The following KMT5C variants were observed in gnomAD, a reference collection of about 807,000 sequenced individuals.
The protein encoded by KMT5C is histone-lysine N-methyltransferase KMT5C.
A neutral mutation model predicts 38.2 loss-of-function variants in KMT5C; 16 were observed. The ratio of observed to expected loss-of-function variants is 0.42; its 90% CI spans 0.28 to 0.64. KMT5C has a LOEUF of 0.64. Ranked by LOEUF, KMT5C falls within the 30% of genes least tolerant of loss-of-function variation. The pLI, the probability that KMT5C is intolerant of heterozygous loss-of-function variation, is 0.23. For missense variants in KMT5C, 598 were observed against 665.1 expected, an observed-to-expected ratio of 0.90 and a Z score of 1.11; for synonymous variants, 291 against 279.0, an observed-to-expected ratio of 1.04 and a Z score of -0.43.
At chr19:55,344,844 C>T (rs766160283) in intron 6 of KMT5C, 10 of 484,848 alleles carry the variant, frequency 2.1e-5, no homozygotes, top group Non-Finnish European at 4.3e-5. Context: ...ATGGGGCACC[C>T]CGGGAGGCAT....
intron 1 of KMT5C, 190 bp from the exon 2 acceptor site, chr19:55,341,604 G>C (rs118001277): frequency 0.011 from 3,895 of 356,722 alleles, 41 homozygotes; most frequent in Non-Finnish European, 0.016. Flanking sequence ...GTCAGTCTGA[G>C]TGTGCATGGG....
intron 6 of KMT5C, chr19:55,344,217 T>C (rs1036087700): frequency 5.7e-5 from 25 of 440,448 alleles, no homozygotes; most frequent in African/African-American, 1.0e-4. Flanking sequence ...AAAAAATTAG[T>C]CGGGCGTGGT....
At chr19:55,346,051 C>A in intron 6 of KMT5C, 162 bp from the exon 7 acceptor site, 2 of 747,568 alleles carry the variant, frequency 2.7e-6, no homozygotes, top group Non-Finnish European at 4.3e-6. Flanking sequence ...AAAGGACAGG[C>A]CCTCGGCAAG....
chr19:55,342,296 G>C lies in KMT5C; in HGVS notation c.192G>C (p.Ala64=). 1.3e-6 allele frequency: 2 copies of C among 1,596,426 alleles called. No homozygotes were observed. Among genetic ancestry groups the C allele is most frequent in the Non-Finnish European group, 8.5e-7 (1 of 1,173,118 alleles). The change falls in exon 3 of 9, where the codon GCG becomes GCC. Residue 64 remains alanine, a synonymous_variant. Coordinates refer to ENST00000255613, the MANE Select transcript of KMT5C (RefSeq NM_032701.4). ...TGAGGCAGCGGGACCTGGAGGCTGC[G>C]TACCGGGCCCTGACGCTGGGAGGCT... ...TFLRQRDLEA[A]YRALTLGGWT...
chr19:55,341,686 G>T (rs922402963), intron 1 of KMT5C, 108 bp from the exon 2 acceptor site: 24 of 549,266 alleles, frequency 4.4e-5, no homozygotes, highest in Non-Finnish European at 7.5e-5. Context: ...GAGCTAAGGC[G>T]ATGGCTGACA....
rs531539379 is a variant in KMT5C at position 55,341,868 on chromosome 19, C to G, written c.-69C>G. 8.0e-7 allele frequency: 1 copy of G among 1,253,026 alleles called. No homozygotes were observed. The highest frequency in any genetic ancestry group is 1.7e-5 in the Admixed American group (1 of 57,514). The allele number at this position is 1,253,026 out of a possible 1,614,324, so 77.6% of individuals were successfully genotyped here. A position where few individuals can be genotyped will look rare whatever the true frequency, so the allele number is the denominator to read the frequency against. ...GGAGTGGAGTCAGCACCAAGCCAGG[C>G]TCCCCGCGCCTGCCTTGCCCTCACC... On this transcript the variant is annotated 5_prime_UTR_variant, in exon 2 of 9. Transcript: ENST00000255613.
At chr19:55,344,818 T>A (rs748903171) in intron 6 of KMT5C, 1 of 512,722 alleles carries the variant, frequency 2.0e-6, no homozygotes, top group South Asian at 1.5e-5. Flanking sequence ...GTGCACCCTC[T>A]GGAGCACAGA....
At chr19:55,344,086 A>G in intron 6 of KMT5C, 89 bp downstream of exon 6, 1 of 1,459,462 alleles carries the variant, frequency 6.9e-7, no homozygotes, top group Non-Finnish European at 9.4e-7. Context: ...GTAAAGAGCC[A>G]AACACCGGCC....
At chr19:55,340,849 T>C (rs1166278716) in intron 1 of KMT5C, among the ~76,000 whole-genome samples, 17 of 98,758 alleles carry the variant, frequency 1.7e-4, no homozygotes, top group Non-Finnish European at 3.1e-4. Flanking sequence ...CACAGCCCCC[T>C]GCCGTGCCCA....
At chr19:55,341,661 G>T (rs939927490) in intron 1 of KMT5C, 133 bp from the exon 2 acceptor site, 2 of 504,426 alleles carry the variant, frequency 4.0e-6, no homozygotes, top group Non-Finnish European at 7.2e-6. Context: ...TGTCTGCGCT[G>T]CGGAGCAAGA....
In KMT5C at chr19:55,343,602, T is replaced by C; in HGVS notation, c.387-78T>C. ...AGTCCCTCCTTCCTGGGTGCCTCTG[T>C]GCCGGAGGCCCGAGTCCCCTGAACA... is the stretch of plus-strand genomic sequence containing the variant. On this transcript the variant is annotated intron_variant, in intron 4 of 8. Coordinates refer to ENST00000255613, the MANE Select transcript of KMT5C (RefSeq NM_032701.4). This position sits in a 1 kb window ranked among gnomAD's most constrained non-coding sequence, Gnocchi z 5.5. The C allele has an allele frequency of 3.5e-6, 5 of 1,440,600 alleles. No individual in the cohort carries two copies. The highest frequency in any genetic ancestry group is 4.7e-6 in the Non-Finnish European group (5 of 1,057,332). 89.2% of individuals were successfully genotyped at this position (1,440,600 alleles called of 1,614,324 possible).
rs2089588888 is a variant in KMT5C at position 55,343,942 on chromosome 19, T to C, written c.551-36T>C. ...CTGCGACTGAGCTGCCGAGCTCATC[T>C]ACCTCTCTTCTCTCTCCTGCCCCAA... On this transcript the variant is annotated intron_variant, in intron 5 of 8. Coordinates refer to ENST00000255613, the MANE Select transcript of KMT5C (RefSeq NM_032701.4). The surrounding 1 kb of genome is among the most constrained non-coding windows in gnomAD (Gnocchi z 5.5). 2 of 1,610,752 alleles carry C rather than the reference T, an allele frequency of 1.2e-6. No homozygotes were observed. The highest frequency in any genetic ancestry group is 3.3e-5 in the Admixed American group (2 of 59,940).
Position 55,343,844 on chromosome 19 carries a change from G to A in KMT5C, c.550+1G>A. On this transcript the variant is annotated splice_donor_variant, in intron 5 of 8. Transcript: ENST00000255613. LOFTEE classifies it high-confidence loss of function. This position sits in a 1 kb window ranked among gnomAD's most constrained non-coding sequence, Gnocchi z 5.5. The stretch of plus-strand genomic sequence containing the variant: ...GGCCCAGCCGCCTTCATCAACCATG[G>A]TGAGGGTCAGGCAGGTGGATGGGCA... The A allele has an allele frequency of 6.2e-7, 1 of 1,613,656 alleles. No homozygotes were observed. Among genetic ancestry groups the A allele is most frequent in the Non-Finnish European group, 8.5e-7 (1 of 1,179,810 alleles).
At chr19:55,344,715 T>C (rs11084395) in intron 6 of KMT5C, 241,385 of 521,136 alleles carry the variant, frequency 0.46, 57,461 homozygotes, top group East Asian at 0.73. Context: ...GGACTCAGGA[T>C]GCTGTCCAGA....
rs770111112 is a variant in KMT5C at position 55,347,393 on chromosome 19, C to T, written c.1333C>T (p.Arg445Trp). 7.5e-5 allele frequency: 119 copies of T among 1,578,308 alleles called. No individual in the cohort carries two copies. Among genetic ancestry groups the T allele is most frequent in the East Asian group, 2.0e-4 (9 of 44,102 alleles). The stretch of plus-strand genomic sequence containing the variant: ...CCCCTTCTCCCCACCCAAGCGCCTA[C>T]GGCTGGTGGTCAGCCACGGCTCCAT... ...FAPFSPPKRL[R>W]LVVSHGSIDL... Residue 445 changes from arginine to tryptophan, a missense_variant, in exon 9 of 9, where the codon CGG becomes TGG. Physicochemically the swap from Arg to Trp is moderately radical, Grantham distance 101. This residue lies in a region of KMT5C where 326 missense variants were observed against 298.1 expected (regional missense o/e 1.09). Coordinates refer to ENST00000255613, the MANE Select transcript of KMT5C (RefSeq NM_032701.4). This position sits in a 1 kb window ranked among gnomAD's most constrained non-coding sequence, Gnocchi z 4.6.
At chr19:55,346,179 C>G in intron 6 of KMT5C, 34 bp from the exon 7 acceptor site, 1 of 1,612,452 alleles carries the variant, frequency 6.2e-7, no homozygotes, top group Non-Finnish European at 8.5e-7. Context: ...CCCCTGTGCC[C>G]TGGGCCAGGG....
At chr19:55,346,781 C>T in intron 8 of KMT5C, 94 bp downstream of exon 8, 1 of 870,498 alleles carries the variant, frequency 1.1e-6, no homozygotes. Flanking sequence ...TAGCCTGGAA[C>T]CCTCCCTCCC....
rs2089583142 is a variant in KMT5C at position 55,343,423 on chromosome 19, T to A, written c.387-257T>A. 5.7e-6 allele frequency: 3 copies of A among 530,188 alleles called. No homozygotes were observed. Among genetic ancestry groups the A allele is most frequent in the African/African-American group, 1.9e-5 (1 of 52,124 alleles). 32.8% of individuals were successfully genotyped at this position (530,188 alleles called of 1,614,324 possible). A position where few individuals can be genotyped will look rare whatever the true frequency, so the allele number is the denominator to read the frequency against. On this transcript the variant is annotated intron_variant, in intron 4 of 8. Transcript: ENST00000255613. The surrounding 1 kb of genome is among the most constrained non-coding windows in gnomAD (Gnocchi z 5.5). ...GTGCTATGAGAGCGAGGGGAGAGAA[T>A]GGGGGCTGTATCTGCTGTGTGCGTG...
rs1469843259 is a variant in KMT5C, at chr19:55,343,029, G to A, written c.386+178G>A. 4 of 588,940 alleles carry A rather than the reference G, an allele frequency of 6.8e-6. No homozygotes were observed. In the Admixed American group the frequency reaches 8.4e-5, roughly 12 times the overall value. The allele number at this position is 588,940 out of a possible 1,614,324, so 36.5% of individuals were successfully genotyped here. A position where few individuals can be genotyped will look rare whatever the true frequency, so the allele number is the denominator to read the frequency against. The stretch of plus-strand genomic sequence containing the variant: ...AGACCTTTGTGGCTACCGTGGTGCC[G>A]CTGGAGCAGGAGACCCCGGATGTGA... On this transcript the variant is annotated intron_variant, in intron 4 of 8. Transcript: ENST00000255613. The surrounding 1 kb of genome is among the most constrained non-coding windows in gnomAD (Gnocchi z 5.5).
Sources: gnomAD v4.1 joint callset for allele counts (sites outside exome capture counted in the v4.1 genomes callset) on GRCh38, gnomAD v4.1.1 for gene constraint, gnomAD v4.1.1 regional missense constraint, Gnocchi (gnomAD v3.1) non-coding constraint, MANE v1.5 for transcripts, NCBI Gene and HGNC (gene_info 2026-07-23, HGNC 2026-07-21) for gene names.